The following ROBO1 variants were observed in gnomAD, a reference collection of about 807,000 sequenced individuals.
ROBO1 encodes the protein roundabout homolog 1.
ROBO1 carries 149 observed loss-of-function variants against 195.9 expected under a neutral mutation model. The ratio of observed to expected loss-of-function variants is 0.76; its 90% CI spans 0.67 to 0.87. The LOEUF (loss-of-function observed/expected upper bound fraction) is 0.87, where lower values mean the gene tolerates loss of function less well. Among genes scored for constraint, ROBO1 ranks in the 40% least tolerant of loss-of-function variants. The pLI, the probability that ROBO1 is intolerant of heterozygous loss-of-function variation, is 0.00. For missense variants in ROBO1, 1,933 were observed against 2,068.3 expected (o/e 0.93, Z 1.27); for synonymous variants, 816 against 733.2 (o/e 1.11, Z -1.82).
intron 7 of ROBO1, among the ~76,000 whole-genome samples, chr3:78,715,429 A>C (rs1479895034): frequency 6.6e-6 from 1 of 152,144 alleles, no homozygotes; most frequent in African/African-American, 2.4e-5. Context: ...CTCAGTTCAG[A>C]CAGTTTACAT....
intron 1 of ROBO1, among the ~76,000 whole-genome samples, chr3:79,617,199 C>T (rs1944852214): frequency 6.6e-6 from 1 of 152,134 alleles, no homozygotes; most frequent in Admixed American, 6.6e-5. Flanking sequence ...CCATCCCAGT[C>T]ATAGTATGTG....
chr3:78,938,800 T>C lies in ROBO1; in HGVS notation c.300A>G (p.Glu100=). ...KAEGRPTPTI[E]WYKGGERVET... ...CCACTCTCTCTCCCCCTTTGTACCA[T>C]TCAATAGTGGGTGTGGGGCGGCCTT... The change falls in exon 4 of 31, where the codon GAA becomes GAG. Residue 100 remains glutamate (E), a synonymous_variant. Transcript: ENST00000464233. 6.2e-7 allele frequency: 1 copy of C among 1,613,952 alleles called. No individual in the cohort carries two copies. Among genetic ancestry groups the C allele is most frequent in the Non-Finnish European group, 8.5e-7 (1 of 1,179,876 alleles).
chr3:79,336,505 A>C lies in ROBO1; in HGVS notation c.89-210966T>G, dbSNP rs543353335. On this transcript the variant is annotated intron_variant, in intron 2 of 30. Transcript: ENST00000464233. ...GGTGTTGGGCCTGTGAGTACACAGG[A>C]GTGAAGAATTGAGGTTTGGGAACCT... Among the ~76,000 whole-genome samples the C allele has an allele frequency of 2.0e-5, 3 of 152,290 alleles. No homozygotes were observed. In the East Asian group the frequency reaches 5.8e-4, roughly 29 times the overall value.
At chr3:79,240,257 T>G (rs1371994415) in intron 2 of ROBO1, among the ~76,000 whole-genome samples, 5 of 152,298 alleles carry the variant, frequency 3.3e-5, no homozygotes, top group African/African-American at 1.2e-4. Flanking sequence ...TTATTTTACT[T>G]AGCACAATGT....
At position 78,771,816 on chromosome 3, in the gene ROBO1, A is replaced by T. The variant is rs1185530162; in HGVS notation, c.500-24916T>A. Among the ~76,000 whole-genome samples, 4 of 152,134 alleles carry T rather than the reference A, an allele frequency of 2.6e-5. No homozygotes were observed. In the East Asian group the frequency reaches 7.7e-4, roughly 29 times the overall value. Reference sequence around the variant, plus strand: ...AGTCTTTAGGGTTTTCTAGGTATGAAATCATATCATCCGTGAAGAGAGATA... The same window carrying T: ...AGTCTTTAGGGTTTTCTAGGTATGATATCATATCATCCGTGAAGAGAGATA... On this transcript the variant is annotated intron_variant, in intron 4 of 30. Transcript: ENST00000464233.
intron 1 of ROBO1, among the ~76,000 whole-genome samples, chr3:79,757,629 T>C (rs1704478867): frequency 6.6e-6 from 1 of 152,052 alleles, no homozygotes; most frequent in African/African-American, 2.4e-5. Context: ...CAGTGAGCTA[T>C]GATTGTGCTA....
At chr3:78,769,417 C>A (rs2108415175) in intron 4 of ROBO1, among the ~76,000 whole-genome samples, 1 of 152,178 alleles carries the variant, frequency 6.6e-6, no homozygotes, top group East Asian at 1.9e-4. Context: ...GCATGAAATG[C>A]CTTTTTCCAC....
At chr3:79,674,151 A>G (rs1560089555) in intron 1 of ROBO1, among the ~76,000 whole-genome samples, 1 of 152,066 alleles carries the variant, frequency 6.6e-6, no homozygotes, top group Non-Finnish European at 1.5e-5. Flanking sequence ...CTACTATTAT[A>G]CTATGATATT....
At position 79,153,956 on chromosome 3, in the gene ROBO1, C is replaced by T. The variant is rs142481135; in HGVS notation, c.89-28417G>A. On this transcript the variant is annotated intron_variant, in intron 2 of 30. Coordinates refer to ENST00000464233, the MANE Select transcript of ROBO1 (RefSeq NM_002941.4). ...CAAGGACATAACCAAGTATCTGCTC[C>T]TTAGTGAGGCTGTCGCTAAATACCC... Among the ~76,000 whole-genome samples, 449 of 151,622 alleles carry T rather than the reference C, an allele frequency of 3.0e-3. 1 individual carries two copies. Among genetic ancestry groups the T allele is most frequent in the African/African-American group, 0.01 (431 of 41,434 alleles).
intron 5 of ROBO1, among the ~76,000 whole-genome samples, chr3:78,720,879 G>T (rs537779122): frequency 3.4e-4 from 51 of 151,612 alleles, no homozygotes; most frequent in African/African-American, 1.2e-3. Flanking sequence ...TCACTCATAG[G>T]TGGGAACTGA....
At chr3:79,505,712 C>T (rs918759549) in intron 2 of ROBO1, among the ~76,000 whole-genome samples, 10 of 152,188 alleles carry the variant, frequency 6.6e-5, no homozygotes, top group Admixed American at 2.0e-4. Flanking sequence ...ACGTAGATTA[C>T]TGTCTTGTAG....
chr3:78,626,562 A>G (rs1234507529), intron 26 of ROBO1, among the ~76,000 whole-genome samples: 1 of 152,196 alleles, frequency 6.6e-6, no homozygotes, highest in Non-Finnish European at 1.5e-5. Context: ...AATAATGTAT[A>G]CATATAATGT....
At chr3:79,066,748 T>G (rs550157114) in intron 3 of ROBO1, among the ~76,000 whole-genome samples, 1 of 151,966 alleles carries the variant, frequency 6.6e-6, no homozygotes, top group Non-Finnish European at 1.5e-5. Flanking sequence ...TAGATCACAC[T>G]GGAAGGAATA....
chr3:78,718,078 G>T (rs535602046), intron 5 of ROBO1, among the ~76,000 whole-genome samples, 195 bp from the exon 6 acceptor site: 4 of 152,226 alleles, frequency 2.6e-5, no homozygotes, highest in South Asian at 2.1e-4. Flanking sequence ...CAATATAAAA[G>T]AAGCAAAAAT....
chr3:79,118,092 C>T (rs554099096), intron 3 of ROBO1, among the ~76,000 whole-genome samples: 6 of 152,256 alleles, frequency 3.9e-5, no homozygotes, highest in Admixed American at 6.5e-5. Flanking sequence ...ATCATGATAT[C>T]GGCATGTACT....
At position 79,014,618 on chromosome 3, in the gene ROBO1, A is replaced by G. The variant is rs563566324; in HGVS notation, c.173-75691T>C. On this transcript the variant is annotated intron_variant, in intron 3 of 30. Transcript: ENST00000464233. ...AGCTTAATTCTGCAGCTCAGTTTCT[A>G]CTACACTTCTCCAGACTTCTGCTTT... 3.9e-5 allele frequency among the ~76,000 whole-genome samples: 6 copies of G among 152,218 alleles called. No homozygotes were observed. The South Asian group carries it at 1.0e-3, about 26-fold the overall frequency.
At position 79,370,614 on chromosome 3, in the gene ROBO1, A is replaced by G. The variant is rs1243388874; in HGVS notation, c.88+219210T>C. Among the ~76,000 whole-genome samples the G allele has an allele frequency of 1.3e-5, 2 of 151,564 alleles. 1 individual carries two copies. The highest frequency in any genetic ancestry group is 4.8e-5 in the African/African-American group (2 of 41,238). ...TCCTTTTCGACTTCTTTACTTCTTCAACAGGGTGTTATGATGTAAGTTATA... is the reference window on the plus strand; with the variant it reads ...TCCTTTTCGACTTCTTTACTTCTTCGACAGGGTGTTATGATGTAAGTTATA... On this transcript the variant is annotated intron_variant, in intron 2 of 30. Coordinates refer to ENST00000464233, the MANE Select transcript of ROBO1 (RefSeq NM_002941.4).
intron 4 of ROBO1, among the ~76,000 whole-genome samples, chr3:78,776,941 T>C (rs2083525244): frequency 6.6e-6 from 1 of 152,190 alleles, no homozygotes; most frequent in Non-Finnish European, 1.5e-5. Context: ...AGGTGCCCAG[T>C]ACACTGAGTA....
At chr3:79,213,202 G>T (rs1421855375) in intron 2 of ROBO1, among the ~76,000 whole-genome samples, 1 of 151,146 alleles carries the variant, frequency 6.6e-6, no homozygotes, top group African/African-American at 2.4e-5. Context: ...CTGAGATCAT[G>T]CCACTGCACT....
Sources: gnomAD v4.1 joint callset for allele counts (sites outside exome capture counted in the v4.1 genomes callset) on GRCh38, gnomAD v4.1.1 for gene constraint, MANE v1.5 for transcripts, NCBI Gene and HGNC (gene_info 2026-07-23, HGNC 2026-07-21) for gene names.